MAGI2: variants seen among roughly 807,000 people sequenced by gnomAD.
MAGI2 encodes the protein membrane-associated guanylate kinase, WW and PDZ domain-containing protein 2.
Under a neutral mutation model 133.3 loss-of-function variants are expected in MAGI2, and 35 were observed. The ratio of observed to expected loss-of-function variants is 0.26; its 90% CI spans 0.20 to 0.35. The LOEUF (loss-of-function observed/expected upper bound fraction) is 0.35, where lower values mean the gene tolerates loss of function less well. MAGI2 is among the 10% of genes least tolerant of loss of function. MAGI2 has a pLI of 1.00. For missense variants in MAGI2, 1,636 were observed against 1,863.4 expected (o/e 0.88, Z 2.25); for synonymous variants, 729 against 710.6 (o/e 1.03, Z -0.41).
chr7:78,905,298 A>T (rs900410142), intron 2 of MAGI2, among the ~76,000 whole-genome samples: 4 of 152,186 alleles, frequency 2.6e-5, no homozygotes, highest in African/African-American at 9.7e-5. Flanking sequence ...TTTGGAAGCC[A>T]TCTAGAATTC....
chr7:78,923,842 C>T (rs1799462887), intron 2 of MAGI2, among the ~76,000 whole-genome samples: 1 of 152,118 alleles, frequency 6.6e-6, no homozygotes, highest in Non-Finnish European at 1.5e-5. Context: ...AATGTTCTTC[C>T]ATTTGTTTGT....
chr7:78,244,167 TAAAAAAAA>T (rs535442682), intron 10 of MAGI2, among the ~76,000 whole-genome samples: 7 of 68,830 alleles, frequency 1.0e-4, no homozygotes, highest in Admixed American at 2.1e-4. Context: ...CTATTTAAAT[TAAAAAAAA>T]AAAAAAAAAA....
At chr7:78,185,538 A>T (rs1359460279) in intron 13 of MAGI2, 91 bp downstream of exon 13, 1 of 1,008,674 alleles carries the variant, frequency 9.9e-7, no homozygotes, top group Non-Finnish European at 1.5e-6. Flanking sequence ...GCGATTATAT[A>T]CTAGGAAACT....
chr7:78,366,309 G>T (rs1793371394), intron 7 of MAGI2, among the ~76,000 whole-genome samples: 1 of 152,002 alleles, frequency 6.6e-6, no homozygotes, highest in Non-Finnish European at 1.5e-5. Context: ...AACCTAGACA[G>T]TTTTTATTTT....
At chr7:78,265,211 T>G (rs961164084) in intron 9 of MAGI2, among the ~76,000 whole-genome samples, 1 of 152,240 alleles carries the variant, frequency 6.6e-6, no homozygotes, top group Non-Finnish European at 1.5e-5. Flanking sequence ...ATTTAAATAC[T>G]TGCATTTTAC....
chr7:78,160,218 G>A lies in MAGI2; in HGVS notation c.2652C>T (p.Ser884=), dbSNP rs2150608797. 1.2e-6 allele frequency: 2 copies of A among 1,611,832 alleles called. No individual in the cohort carries two copies. The highest frequency in any genetic ancestry group is 1.7e-6 in the Non-Finnish European group (2 of 1,178,798). The change falls in exon 16 of 22, where the codon AGC becomes AGT. Residue 884 remains serine, a synonymous_variant. Coordinates refer to ENST00000354212, the MANE Select transcript of MAGI2 (RefSeq NM_012301.4). ...RSPGSVSTHH[S]SPRSDYATYT... Reference sequence around the variant, plus strand: ...AGGTTGCGTAGTCACTGCGTGGAGAGCTGTGGTGGGTGGATACAGAGCCTG... The same window carrying A: ...AGGTTGCGTAGTCACTGCGTGGAGAACTGTGGTGGGTGGATACAGAGCCTG...
chr7:79,024,423 G>A lies in MAGI2; in HGVS notation c.302-17217C>T, dbSNP rs150118746. On this transcript the variant is annotated intron_variant, in intron 1 of 21. Coordinates refer to ENST00000354212, the MANE Select transcript of MAGI2 (RefSeq NM_012301.4). ...AATACTATTCTGGACATAGAACCCAGCAAAGGCTTCAAGACAAAGCCACCA... is the reference window on the plus strand; with the variant it reads ...AATACTATTCTGGACATAGAACCCAACAAAGGCTTCAAGACAAAGCCACCA... Among the ~76,000 whole-genome samples the A allele has an allele frequency of 2.0e-5, 3 of 152,120 alleles. No individual in the cohort carries two copies. In the East Asian group the frequency reaches 5.8e-4, roughly 29 times the overall value.
At chr7:78,551,823 C>T (rs1225824933) in intron 3 of MAGI2, among the ~76,000 whole-genome samples, 1 of 152,216 alleles carries the variant, frequency 6.6e-6, no homozygotes, top group African/African-American at 2.4e-5. Flanking sequence ...TGGCTCACTG[C>T]AGCCTTGAAT....
In MAGI2 at chr7:78,609,101, C is replaced by A. The variant is rs373586410; in HGVS notation, c.538+18019G>T. On this transcript the variant is annotated intron_variant, in intron 3 of 21. Transcript: ENST00000354212. Reference sequence around the variant, plus strand: ...AGTCTTACATTTTCACGTTTTTCTGCCTACTTTATATTCACTGGTAGCTGA... The same window carrying A: ...AGTCTTACATTTTCACGTTTTTCTGACTACTTTATATTCACTGGTAGCTGA... 7.2e-5 allele frequency among the ~76,000 whole-genome samples: 11 copies of A among 152,218 alleles called. No individual in the cohort carries two copies. In the East Asian group the frequency reaches 7.7e-4, roughly 11 times the overall value.
At chr7:78,585,999 T>C (rs1402769603) in intron 3 of MAGI2, among the ~76,000 whole-genome samples, 1 of 152,186 alleles carries the variant, frequency 6.6e-6, no homozygotes, top group Non-Finnish European at 1.5e-5. Flanking sequence ...CTCTCCTTTC[T>C]ATTTTAGGTA....
intron 1 of MAGI2, among the ~76,000 whole-genome samples, chr7:79,079,615 C>A (rs1815854467): frequency 6.6e-6 from 1 of 151,944 alleles, no homozygotes; most frequent in South Asian, 2.1e-4. Context: ...AGGAAACTTA[C>A]CCTGGCAAGA....
intron 9 of MAGI2, among the ~76,000 whole-genome samples, chr7:78,339,145 A>G (rs1465734601): frequency 6.6e-6 from 1 of 152,226 alleles, no homozygotes; most frequent in Non-Finnish European, 1.5e-5. Context: ...CTCCTTGAGA[A>G]ACAGTTCTGT....
intron 9 of MAGI2, among the ~76,000 whole-genome samples, chr7:78,292,537 C>T (rs1796825081): frequency 6.6e-6 from 1 of 152,142 alleles, no homozygotes; most frequent in African/African-American, 2.4e-5. Flanking sequence ...CAATGCCATC[C>T]CCATCAAGCT....
At chr7:78,941,109 A>T (rs1800929261) in intron 2 of MAGI2, among the ~76,000 whole-genome samples, 1 of 152,140 alleles carries the variant, frequency 6.6e-6, no homozygotes, top group Non-Finnish European at 1.5e-5. Flanking sequence ...CCCTCCTGAG[A>T]TAATGTCTAT....
At chr7:78,405,557 A>T (rs1313217764) in intron 6 of MAGI2, among the ~76,000 whole-genome samples, 1 of 152,126 alleles carries the variant, frequency 6.6e-6, no homozygotes, top group African/African-American at 2.4e-5. Context: ...TGTCAAGAGC[A>T]GTTACGAAAT....
chr7:79,443,765 G>C (rs935769553), intron 1 of MAGI2, among the ~76,000 whole-genome samples: 3 of 152,306 alleles, frequency 2.0e-5, no homozygotes, highest in African/African-American at 7.2e-5. Context: ...TTCAATTTAT[G>C]CTGGAATTGG....
At chr7:78,521,391 A>G (rs1796489701) in intron 4 of MAGI2, 39 bp downstream of exon 4, 1 of 1,481,170 alleles carries the variant, frequency 6.8e-7, no homozygotes, top group Non-Finnish European at 9.4e-7. Context: ...GATCTAAAAC[A>G]GTAAATTTAT....
chr7:78,195,929 C>T (rs1441468090), intron 11 of MAGI2, among the ~76,000 whole-genome samples: 3 of 152,166 alleles, frequency 2.0e-5, no homozygotes, highest in Middle Eastern at 3.2e-3. Flanking sequence ...AATTGACCGG[C>T]AGCGTATGTA....
At chr7:79,267,199 C>G (rs982302967) in intron 1 of MAGI2, among the ~76,000 whole-genome samples, 6 of 152,188 alleles carry the variant, frequency 3.9e-5, no homozygotes, top group Non-Finnish European at 2.9e-5. Context: ...TGTTAGCCAA[C>G]TCTATTCTCC....
Sources: gnomAD v4.1 joint callset for allele counts (sites outside exome capture counted in the v4.1 genomes callset) on GRCh38, gnomAD v4.1.1 for gene constraint, MANE v1.5 for transcripts, NCBI Gene and HGNC (gene_info 2026-07-23, HGNC 2026-07-21) for gene names.